ARMC8: variants seen among roughly 807,000 people sequenced by gnomAD.
The protein encoded by ARMC8 is armadillo repeat-containing protein 8.
Under a neutral mutation model 99.3 loss-of-function variants are expected in ARMC8, and 20 were observed. The observed-to-expected ratio is 0.20, with a 90% confidence interval of 0.14 to 0.29. The LOEUF (loss-of-function observed/expected upper bound fraction) is 0.29, where lower values mean the gene tolerates loss of function less well. Among genes scored for constraint, ARMC8 ranks in the 10% least tolerant of loss-of-function variants. The pLI, the probability that ARMC8 is intolerant of heterozygous loss-of-function variation, is 1.00. For missense variants in ARMC8, 569 were observed against 809.5 expected, an observed-to-expected ratio of 0.70 and a Z score of 3.60; for synonymous variants, 263 against 278.3, an observed-to-expected ratio of 0.95 and a Z score of 0.55.
intron 11 of ARMC8, 92 bp downstream of exon 11, chr3:138,242,075 T>C: frequency 1.1e-6 from 1 of 947,372 alleles, no homozygotes; most frequent in Non-Finnish European, 1.6e-6. Flanking sequence ...TAACTACAGC[T>C]TAAAGCCCTT....
intron 19 of ARMC8, chr3:138,287,556 A>G (rs148609121): frequency 4.4e-6 from 2 of 451,422 alleles, no homozygotes; most frequent in African/African-American, 2.0e-5. Flanking sequence ...AGTATATACA[A>G]GCTCATTTAT....
chr3:138,249,361 G>A (rs114698263), intron 12 of ARMC8, among the ~76,000 whole-genome samples: 120 of 151,678 alleles, frequency 7.9e-4, no homozygotes, highest in African/African-American at 2.9e-3. Context: ...CAAGAGGCAG[G>A]CAATCCTGAG....
At chr3:138,223,800 C>T in intron 5 of ARMC8, 67 bp downstream of exon 5, 1 of 1,294,980 alleles carries the variant, frequency 7.7e-7, no homozygotes, top group East Asian at 2.3e-5. Context: ...ATTTGCTTAG[C>T]ATCTTCAGAC....
chr3:138,201,407 T>C (rs1267794727), intron 1 of ARMC8, among the ~76,000 whole-genome samples: 4 of 148,930 alleles, frequency 2.7e-5, no homozygotes, highest in African/African-American at 9.8e-5. Context: ...TTGTGCTCTC[T>C]ACCTAGAGTC....
chr3:138,241,677 A>G, intron 10 of ARMC8, 106 bp from the exon 11 acceptor site: 1 of 973,216 alleles, frequency 1.0e-6, no homozygotes, highest in Non-Finnish European at 1.5e-6. Context: ...GAAATATATG[A>G]TCATAAACAT....
At chr3:138,294,199 G>A (rs1010231654) in intron 21 of ARMC8, among the ~76,000 whole-genome samples, 22 of 152,174 alleles carry the variant, frequency 1.4e-4, no homozygotes, top group Admixed American at 9.8e-4. Flanking sequence ...ATCACCTGAA[G>A]AATATATCTC....
intron 6 of ARMC8, among the ~76,000 whole-genome samples, chr3:138,232,272 A>G (rs1361753840): frequency 1.3e-5 from 2 of 152,038 alleles, no homozygotes; most frequent in African/African-American, 4.8e-5. Flanking sequence ...CACTGCGTCT[A>G]GCCCCTTACA....
chr3:138,196,111 T>C (rs1007214957), intron 1 of ARMC8, among the ~76,000 whole-genome samples: 1 of 152,156 alleles, frequency 6.6e-6, no homozygotes, highest in East Asian at 1.9e-4. Flanking sequence ...TAGGGGTGTT[T>C]TTAAGAATTT....
At chr3:138,201,853 A>G (rs548894319) in intron 1 of ARMC8, among the ~76,000 whole-genome samples, 2 of 152,224 alleles carry the variant, frequency 1.3e-5, no homozygotes, top group Admixed American at 6.5e-5. Flanking sequence ...CCTAACTTCA[A>G]TGATATCTTC....
chr3:138,187,642 C>T (rs1307641554), intron 1 of ARMC8, 43 bp downstream of exon 1: 1 of 1,532,172 alleles, frequency 6.5e-7, no homozygotes, highest in Admixed American at 2.0e-5. Context: ...TCCAGGAAGC[C>T]TCATCCCGGT....
intron 14 of ARMC8, among the ~76,000 whole-genome samples, chr3:138,264,910 T>A (rs74389156): frequency 6.7e-6 from 1 of 150,008 alleles, no homozygotes; most frequent in Non-Finnish European, 1.5e-5. Flanking sequence ...TTTTTTTTTT[T>A]AAATAGACAC....
chr3:138,273,909 C>T (rs369656160), intron 17 of ARMC8, among the ~76,000 whole-genome samples: 69 of 152,074 alleles, frequency 4.5e-4, no homozygotes, highest in Admixed American at 2.6e-3. Context: ...CTCCACTTCC[C>T]GGGTTCAAGT....
chr3:138,290,923 A>G (rs2050879649), intron 21 of ARMC8, among the ~76,000 whole-genome samples: 2 of 152,356 alleles, frequency 1.3e-5, no homozygotes, highest in South Asian at 4.1e-4. Flanking sequence ...GATCATTAGA[A>G]TAGACATGCA....
At chr3:138,288,364 A>G (rs1231935959) in intron 19 of ARMC8, among the ~76,000 whole-genome samples, 6 of 152,238 alleles carry the variant, frequency 3.9e-5, no homozygotes, top group Non-Finnish European at 7.3e-5. Flanking sequence ...ACATAGCCTA[A>G]GTCGAAAGCA....
chr3:138,199,419 T>C (rs988501105), intron 1 of ARMC8, among the ~76,000 whole-genome samples: 1 of 152,184 alleles, frequency 6.6e-6, no homozygotes, highest in Admixed American at 6.5e-5. Context: ...TTGGAATACC[T>C]AAGAAGGACA....
chr3:138,219,290 C>G (rs1397126845), intron 2 of ARMC8, among the ~76,000 whole-genome samples: 1 of 152,190 alleles, frequency 6.6e-6, no homozygotes, highest in Non-Finnish European at 1.5e-5. Flanking sequence ...TAATGGATAT[C>G]TAGAATCACT....
intron 21 of ARMC8, among the ~76,000 whole-genome samples, chr3:138,291,387 C>T (rs891699273): frequency 4.6e-5 from 7 of 152,242 alleles, no homozygotes; most frequent in Non-Finnish European, 8.8e-5. Context: ...TTTACACATT[C>T]TGTTCCATCT....
intron 16 of ARMC8, among the ~76,000 whole-genome samples, chr3:138,270,886 TA>T (rs1363447736): frequency 6.6e-6 from 1 of 152,214 alleles, no homozygotes; most frequent in Admixed American, 6.5e-5. Context: ...AAAACATATT[TA>T]TACTATTTAC....
intron 18 of ARMC8, among the ~76,000 whole-genome samples, chr3:138,278,544 T>G (rs1260902190): frequency 6.6e-6 from 1 of 152,114 alleles, no homozygotes; most frequent in Non-Finnish European, 1.5e-5. Context: ...ATAAAATTAC[T>G]ACCAAAAGAG....
Sources: allele counts gnomAD v4.1 joint callset (sites outside exome capture counted in the v4.1 genomes callset), GRCh38; gene constraint gnomAD v4.1.1; transcripts MANE v1.5; gene names NCBI Gene and HGNC (gene_info 2026-07-23, HGNC 2026-07-21).